The following SH3KBP1 variants were observed in gnomAD, a reference collection of about 807,000 sequenced individuals.
SH3KBP1 encodes SH3 domain containing kinase binding protein 1.
A neutral mutation model predicts 50.1 loss-of-function variants in SH3KBP1; 8 were observed. The observed-to-expected ratio is 0.16, with a 90% CI of 0.09 to 0.29. The LOEUF (loss-of-function observed/expected upper bound fraction) is 0.29. Ranked by LOEUF, SH3KBP1 falls within the 10% of genes least tolerant of loss-of-function variation. The pLI is 1.00. For missense variants in SH3KBP1, 377 were observed against 535.2 expected (o/e 0.70, Z 2.92); for synonymous variants, 227 against 218.6 (o/e 1.04, Z -0.34).
rs2063337121 is a variant in SH3KBP1 at position 19,693,069 on chromosome X, A to G, written c.520+2543T>C. ...ATTACTTCAATTTAGCAAGCTATTCATTATTCTCACATCTGCTCTTCTATG... is the reference window on the plus strand; with the variant it reads ...ATTACTTCAATTTAGCAAGCTATTCGTTATTCTCACATCTGCTCTTCTATG... On this transcript the variant is annotated intron_variant, in intron 5 of 17. Transcript: ENST00000397821. Among the ~76,000 whole-genome samples, 3 of 111,689 alleles carry G rather than the reference A, an allele frequency of 2.7e-5. No individual in the cohort carries two copies. The South Asian group carries it at 1.1e-3, about 41-fold the overall frequency.
At chrX:19,793,419 CTT>C (rs772700624) in intron 2 of SH3KBP1, among the ~76,000 whole-genome samples, 1 of 109,999 alleles carries the variant, frequency 9.1e-6, no homozygotes, top group South Asian at 3.9e-4. Context: ...GGATCTGCCT[CTT>C]TTCTAGCCGT....
At chrX:19,619,660 T>A (rs1475282974) in intron 8 of SH3KBP1, among the ~76,000 whole-genome samples, 1 of 111,161 alleles carries the variant, frequency 9.0e-6, no homozygotes, top group Non-Finnish European at 1.9e-5. Context: ...CGCATGCCTA[T>A]AATCCCAGCT....
intron 4 of SH3KBP1, among the ~76,000 whole-genome samples, chrX:19,706,066 C>G (rs2063646870): frequency 8.9e-6 from 1 of 111,843 alleles, no homozygotes; most frequent in African/African-American, 3.3e-5. Flanking sequence ...GCCACTTCCA[C>G]TCACATGACA....
At chrX:19,805,527 A>T (rs1256702229) in intron 2 of SH3KBP1, among the ~76,000 whole-genome samples, 2 of 86,670 alleles carry the variant, frequency 2.3e-5, no homozygotes, top group Admixed American at 1.3e-4. Context: ...CTGCATATTA[A>T]AAAAAAAAAA....
intron 8 of SH3KBP1, among the ~76,000 whole-genome samples, chrX:19,616,895 T>C (rs1007046370): frequency 9.9e-5 from 11 of 111,616 alleles, no homozygotes; most frequent in African/African-American, 3.3e-4. Context: ...CTCTGGGATA[T>C]CCACTCAGCT....
intron 6 of SH3KBP1, among the ~76,000 whole-genome samples, chrX:19,667,354 T>C (rs991241480): frequency 8.9e-6 from 1 of 112,267 alleles, no homozygotes; most frequent in African/African-American, 3.2e-5. Flanking sequence ...CTAGGCACAG[T>C]GGCTCATGCC....
intron 2 of SH3KBP1, among the ~76,000 whole-genome samples, chrX:19,770,561 A>G (rs1415648052): frequency 8.9e-6 from 1 of 111,764 alleles, no homozygotes; most frequent in African/African-American, 3.3e-5. Flanking sequence ...TATACCCAGT[A>G]ATGGGACTGC....
At chrX:19,720,163 G>A (rs144824577) in intron 3 of SH3KBP1, among the ~76,000 whole-genome samples, 17,736 of 110,134 alleles carry the variant, frequency 0.16, 1,184 homozygotes, top group African/African-American at 0.22. Context: ...AAGGAATCAC[G>A]TCATAACATA....
intron 2 of SH3KBP1, among the ~76,000 whole-genome samples, chrX:19,762,004 G>A (rs776723523): frequency 1.8e-5 from 2 of 112,430 alleles, no homozygotes; most frequent in Non-Finnish European, 3.8e-5. Context: ...AGTATCAAAA[G>A]GGACAGTCTG....
chrX:19,818,755 C>T (rs761237529), intron 2 of SH3KBP1, among the ~76,000 whole-genome samples: 14 of 112,042 alleles, frequency 1.2e-4, no homozygotes, highest in African/African-American at 4.5e-4. Context: ...TGGCCTTGCA[C>T]ATCTGGAATA....
intron 3 of SH3KBP1, among the ~76,000 whole-genome samples, chrX:19,722,253 C>A (rs922636312): frequency 9.0e-6 from 1 of 111,250 alleles, no homozygotes; most frequent in Non-Finnish European, 1.9e-5. Flanking sequence ...CTGGCGAGAG[C>A]CCCACTCTGT....
intron 2 of SH3KBP1, among the ~76,000 whole-genome samples, chrX:19,826,413 G>T (rs1166669751): frequency 9.0e-6 from 1 of 110,878 alleles, no homozygotes; most frequent in Non-Finnish European, 1.9e-5. Context: ...GGGCACGGTG[G>T]CTCCTGCCTA....
intron 3 of SH3KBP1, among the ~76,000 whole-genome samples, chrX:19,718,668 T>C (rs1052804737): frequency 2.2e-4 from 25 of 112,265 alleles, no homozygotes; most frequent in Non-Finnish European, 2.6e-4. Flanking sequence ...GTTGGTGTTT[T>C]GAAAGAAATA....
intron 9 of SH3KBP1, among the ~76,000 whole-genome samples, chrX:19,607,431 C>T (rs753955918): frequency 3.6e-4 from 40 of 112,245 alleles, no homozygotes; most frequent in Middle Eastern, 4.2e-3. Flanking sequence ...AAAGAGAAAC[C>T]GTGGATGAGA....
intron 1 of SH3KBP1, among the ~76,000 whole-genome samples, chrX:19,881,468 C>T (rs892474410): frequency 5.4e-5 from 6 of 112,116 alleles, no homozygotes; most frequent in South Asian, 3.7e-4. Flanking sequence ...GCAACATGCT[C>T]AGTCTGAGGC....
intron 1 of SH3KBP1, among the ~76,000 whole-genome samples, chrX:19,873,311 T>TAC (rs1556422855): frequency 8.3e-4 from 80 of 96,142 alleles, no homozygotes; most frequent in African/African-American, 3.1e-3. Flanking sequence ...TATATATATA[T>TAC]ACATATACAT....
At chrX:19,797,682 C>A (rs2066759610) in intron 2 of SH3KBP1, among the ~76,000 whole-genome samples, 1 of 111,234 alleles carries the variant, frequency 9.0e-6, no homozygotes, top group Non-Finnish European at 1.9e-5. Context: ...TGTCAGAGAT[C>A]ACTGATACAC....
At chrX:19,731,219 G>A (rs1047659629) in intron 3 of SH3KBP1, among the ~76,000 whole-genome samples, 1 of 112,466 alleles carries the variant, frequency 8.9e-6, no homozygotes, top group Non-Finnish European at 1.9e-5. Flanking sequence ...GATTACAGGC[G>A]TGAGCCACTG....
At chrX:19,805,940 A>AATGAATATATCAT (rs2067033174) in intron 2 of SH3KBP1, among the ~76,000 whole-genome samples, 3 of 111,628 alleles carry the variant, frequency 2.7e-5, no homozygotes, top group Non-Finnish European at 5.6e-5. Flanking sequence ...AGAACTCTCC[A>AATGAATATATCAT]TTCACCTGGT....
Sources: allele counts gnomAD v4.1 joint callset (sites outside exome capture counted in the v4.1 genomes callset), GRCh38; gene constraint gnomAD v4.1.1; transcripts MANE v1.5; gene names NCBI Gene and HGNC (gene_info 2026-07-23, HGNC 2026-07-21).